Variants in TBC1D22B observed in about 807,000 individuals in gnomAD.
The protein encoded by TBC1D22B is TBC1 domain family member 22B, also known as chromosome 6 open reading frame 197.
A neutral mutation model predicts 69.1 loss-of-function variants in TBC1D22B; 32 were observed. The observed-to-expected ratio is 0.46, with a 90% CI of 0.35 to 0.62. The LOEUF is 0.62. Among genes scored for constraint, TBC1D22B ranks in the 20% least tolerant of loss-of-function variants. The pLI, the probability that TBC1D22B is intolerant of heterozygous loss-of-function variation, is 0.00. For synonymous variants in TBC1D22B, 206 were observed against 229.8 expected, an observed-to-expected ratio of 0.90 and a Z score of 0.94; for missense variants, 462 against 630.9, an observed-to-expected ratio of 0.73 and a Z score of 2.87.
At chr6:37,278,973 C>G (rs1482175480) in intron 2 of TBC1D22B, among the ~76,000 whole-genome samples, 2 of 152,020 alleles carry the variant, frequency 1.3e-5, no homozygotes, top group African/African-American at 4.8e-5. Flanking sequence ...CACCTATTCT[C>G]TACTTTGCCT....
intron 3 of TBC1D22B, among the ~76,000 whole-genome samples, chr6:37,280,125 G>T (rs1422563919): frequency 2.0e-5 from 3 of 152,212 alleles, no homozygotes; most frequent in African/African-American, 7.2e-5. Flanking sequence ...TGACCATCAG[G>T]CAGGTCCCAT....
intron 12 of TBC1D22B, among the ~76,000 whole-genome samples, chr6:37,324,622 A>G (rs191770903): frequency 1.9e-4 from 29 of 152,340 alleles, no homozygotes; most frequent in African/African-American, 6.3e-4. Context: ...TATGAGTCCA[A>G]GGACTTAATG....
chr6:37,301,549 C>G (rs1767572744), intron 8 of TBC1D22B, among the ~76,000 whole-genome samples: 1 of 152,162 alleles, frequency 6.6e-6, no homozygotes, highest in Non-Finnish European at 1.5e-5. Flanking sequence ...AAGATTCATT[C>G]ATGTTGTAGC....
intron 8 of TBC1D22B, among the ~76,000 whole-genome samples, chr6:37,311,652 G>A (rs150518957): frequency 1.3e-5 from 2 of 152,060 alleles, no homozygotes; most frequent in African/African-American, 2.4e-5. Flanking sequence ...CAGCCTGGGC[G>A]TCAGAGTGAG....
In TBC1D22B at chr6:37,282,881, G is replaced by A; in HGVS notation, c.602-1G>A. ...CTAACAAGGCTGTTTTCTATTTACA[G>A]ATGAACTGAGGAAGTGTAGCTGGCC... is the stretch of plus-strand genomic sequence containing the variant. On this transcript the variant is annotated splice_acceptor_variant, in intron 4 of 12. Transcript: ENST00000373491. LOFTEE classifies it high-confidence loss of function. 2 of 1,614,070 alleles carry A rather than the reference G, an allele frequency of 1.2e-6. No homozygotes were observed. Among genetic ancestry groups the A allele is most frequent in the Non-Finnish European group, 1.7e-6 (2 of 1,179,936 alleles).
At chr6:37,327,392 G>C (rs949626184) in intron 12 of TBC1D22B, among the ~76,000 whole-genome samples, 7 of 127,630 alleles carry the variant, frequency 5.5e-5, no homozygotes, top group Admixed American at 4.8e-4. Context: ...GCAGGAGAAT[G>C]GCGTGAACCC....
intron 12 of TBC1D22B, among the ~76,000 whole-genome samples, chr6:37,320,571 A>G (rs534426326): frequency 6.6e-6 from 1 of 152,276 alleles, no homozygotes; most frequent in South Asian, 2.1e-4. Context: ...TTTTAACATA[A>G]TGAGTAAACC....
chr6:37,305,298 C>T lies in TBC1D22B; in HGVS notation c.983-7620C>T, dbSNP rs905577646. Among the ~76,000 whole-genome samples the T allele has an allele frequency of 3.9e-4, 60 of 152,106 alleles. 1 individual carries two copies. Among genetic ancestry groups the T allele is most frequent in the Non-Finnish European group, 2.9e-5 (2 of 68,016 alleles). Reference sequence around the variant, plus strand: ...CCTTTTCTGCTTTTTAAAATGTGAACTTCATATTAAATCATACATTTAGAA... The same window carrying T: ...CCTTTTCTGCTTTTTAAAATGTGAATTTCATATTAAATCATACATTTAGAA... On this transcript the variant is annotated intron_variant, in intron 8 of 12. Coordinates refer to ENST00000373491, the MANE Select transcript of TBC1D22B (RefSeq NM_017772.4).
intron 4 of TBC1D22B, 57 bp from the exon 5 acceptor site, chr6:37,282,825 G>T: frequency 6.4e-7 from 1 of 1,562,832 alleles, no homozygotes; most frequent in South Asian, 1.1e-5. Flanking sequence ...GCTGGTTGCG[G>T]TTTGCTTTAG....
chr6:37,292,354 A>G (rs888225325), intron 8 of TBC1D22B, among the ~76,000 whole-genome samples: 14 of 152,152 alleles, frequency 9.2e-5, no homozygotes, highest in Admixed American at 3.3e-4. Flanking sequence ...CACTTGGCCT[A>G]TCCTATCCAG....
At position 37,269,623 on chromosome 6, in the gene TBC1D22B, C is replaced by T. The variant is rs1483752706; in HGVS notation, c.86C>T (p.Pro29Leu). ...CAGCCTGTATATGGAGCACAGCATCCTCCTCTTGACCCACGGCTCACCAAA... is the reference window on the plus strand; with the variant it reads ...CAGCCTGTATATGGAGCACAGCATCTTCCTCTTGACCCACGGCTCACCAAA... ...SIQPVYGAQHPPLDPRLTKNF... is the reference protein window; with the variant it reads ...SIQPVYGAQHLPLDPRLTKNF... Residue 29 changes from proline (P) to leucine (L), a missense_variant, in exon 2 of 13, where the codon CCT becomes CTT. Coordinates refer to ENST00000373491, the MANE Select transcript of TBC1D22B (RefSeq NM_017772.4). 2.5e-6 allele frequency: 4 copies of T among 1,614,002 alleles called. No homozygotes were observed. The highest frequency in any genetic ancestry group is 1.3e-5 in the African/African-American group (1 of 74,900).
intron 8 of TBC1D22B, among the ~76,000 whole-genome samples, chr6:37,309,612 C>A (rs904127279): frequency 1.3e-5 from 2 of 152,122 alleles, no homozygotes; most frequent in African/African-American, 4.8e-5. Context: ...AGAAGTCATG[C>A]TCATGAATAG....
chr6:37,323,208 G>A (rs757800845), intron 12 of TBC1D22B, among the ~76,000 whole-genome samples: 13 of 152,114 alleles, frequency 8.5e-5, no homozygotes, highest in Non-Finnish European at 1.5e-4. Flanking sequence ...GGCACTCTGA[G>A]GACTAATAAT....
chr6:37,292,564 T>G (rs1767221891), intron 8 of TBC1D22B, among the ~76,000 whole-genome samples: 1 of 152,210 alleles, frequency 6.6e-6, no homozygotes, highest in African/African-American at 2.4e-5. Context: ...GCATTTCAGC[T>G]GATCTGTTGT....
At chr6:37,265,222 T>A (rs537207788) in intron 1 of TBC1D22B, among the ~76,000 whole-genome samples, 123 of 152,332 alleles carry the variant, frequency 8.1e-4, no homozygotes, top group African/African-American at 2.9e-3. Flanking sequence ...CTGACAGCTT[T>A]AAAAAATAGT....
rs1390537451 is a variant in TBC1D22B, at chr6:37,293,860, A to T, written c.982+2503A>T. Among the ~76,000 whole-genome samples, 3 of 152,204 alleles carry T rather than the reference A, an allele frequency of 2.0e-5. No individual in the cohort carries two copies. The South Asian group carries it at 6.2e-4, about 31-fold the overall frequency. ...CAAAATAGCCTTATTGCTGATATGG[A>T]TAGAAGAATGAACTAGCCACAACAT... On this transcript the variant is annotated intron_variant, in intron 8 of 12. Coordinates refer to ENST00000373491, the MANE Select transcript of TBC1D22B (RefSeq NM_017772.4).
chr6:37,318,726 T>C (rs1263045169), intron 12 of TBC1D22B, among the ~76,000 whole-genome samples: 2 of 152,080 alleles, frequency 1.3e-5, no homozygotes, highest in African/African-American at 2.4e-5. Flanking sequence ...AGAGTCCCTA[T>C]GTAGAAAACT....
At chr6:37,265,573 C>G (rs993862783) in intron 1 of TBC1D22B, among the ~76,000 whole-genome samples, 1 of 151,774 alleles carries the variant, frequency 6.6e-6, no homozygotes, top group African/African-American at 2.4e-5. Flanking sequence ...TGTCTAACAC[C>G]CCCTTCCTCT....
intron 7 of TBC1D22B, among the ~76,000 whole-genome samples, chr6:37,290,899 A>G (rs1690034312): frequency 1.3e-5 from 2 of 152,116 alleles, no homozygotes; most frequent in Non-Finnish European, 2.9e-5. Flanking sequence ...GAAATAGGAA[A>G]CCATATCTAC....
Sources: allele counts gnomAD v4.1 joint callset (sites outside exome capture counted in the v4.1 genomes callset), GRCh38; gene constraint gnomAD v4.1.1; transcripts MANE v1.5; gene names NCBI Gene and HGNC (gene_info 2026-07-23, HGNC 2026-07-21).